The following HSPA4L variants were observed in gnomAD, a reference collection of about 807,000 sequenced individuals.
HSPA4L encodes heat shock protein family A (Hsp70) member 4 like.
HSPA4L carries 48 observed loss-of-function variants against 100.3 expected under a neutral mutation model. The ratio of observed to expected loss-of-function variants is 0.48; its 90% CI spans 0.38 to 0.61. The LOEUF is 0.61. Among genes scored for constraint, HSPA4L ranks in the 20% least tolerant of loss-of-function variants. The pLI is 0.00. For synonymous variants in HSPA4L, 319 were observed against 328.2 expected (o/e 0.97, Z 0.30); for missense variants, 886 against 988.6 (o/e 0.90, Z 1.39).
At chr4:127,823,671 T>G in intron 16 of HSPA4L, 47 bp downstream of exon 16, 1 of 1,200,578 alleles carries the variant, frequency 8.3e-7, no homozygotes, top group Non-Finnish European at 1.2e-6. Flanking sequence ...TAACTTTTTC[T>G]AAAAATTAGG....
In HSPA4L at chr4:127,811,520, G is replaced by A. The variant is rs1733529128; in HGVS notation, c.1462G>A (p.Gly488Arg). Residue 488 changes from glycine to arginine, a missense_variant, in exon 12 of 19, where the codon GGA becomes AGA. Physicochemically the swap from Gly to Arg is moderately radical, Grantham distance 125. Coordinates refer to ENST00000296464, the MANE Select transcript of HSPA4L (RefSeq NM_014278.4). ...VKVKVRVNIHGIFSVASASVI... is the reference protein window; with the variant it reads ...VKVKVRVNIHRIFSVASASVI... ...GGTTAAAGTTCGTGTTAACATCCAT[G>A]GAATCTTCAGTGTGGCTAGCGCATC... The A allele has an allele frequency of 6.2e-7, 1 of 1,613,804 alleles. No homozygotes were observed. Among genetic ancestry groups the A allele is most frequent in the South Asian group, 1.1e-5 (1 of 91,072 alleles).
chr4:127,806,594 T>C (rs1733365356), intron 10 of HSPA4L, among the ~76,000 whole-genome samples: 1 of 152,014 alleles, frequency 6.6e-6, no homozygotes, highest in African/African-American at 2.4e-5. Flanking sequence ...AATTAATGTT[T>C]CCCTCTGTCA....
At chr4:127,782,703 T>G in intron 1 of HSPA4L, 46 bp downstream of exon 1, 1 of 1,355,694 alleles carries the variant, frequency 7.4e-7, no homozygotes, top group Non-Finnish European at 1.0e-6. Flanking sequence ...GAAACGTTTT[T>G]CTCTCCCGTC....
At chr4:127,817,701 T>G (rs570010413) in intron 12 of HSPA4L, among the ~76,000 whole-genome samples, 3 of 152,310 alleles carry the variant, frequency 2.0e-5, no homozygotes, top group African/African-American at 7.2e-5. Flanking sequence ...ATATCAAAAC[T>G]CAAAGTGCAT....
At position 127,830,651 on chromosome 4, in the gene HSPA4L, A is replaced by T. The variant is rs746766175; in HGVS notation, c.2180A>T (p.Asp727Val). The change falls in exon 18 of 19, where the codon GAT becomes GTT. Residue 727 changes from aspartate (D) to valine (V), a missense_variant. Physicochemically the swap from Asp to Val is radical, Grantham distance 152. Transcript: ENST00000296464. ...TTTTTTAAATAGGATGAAAGATATG[A>T]TCATCTGGATCCTACTGAAATGGAA... ...EAYRNKDERY[D>V]HLDPTEMEKV... 1 of 1,581,890 alleles carries T rather than the reference A, an allele frequency of 6.3e-7. No homozygotes were observed. Among genetic ancestry groups the T allele is most frequent in the Admixed American group, 2.0e-5 (1 of 51,036 alleles).
Position 127,805,069 on chromosome 4 carries a change from C to A in HSPA4L, c.986-4C>A. 1 of 1,567,436 alleles carries A rather than the reference C, an allele frequency of 6.4e-7. No individual in the cohort carries two copies. The highest frequency in any genetic ancestry group is 8.6e-7 in the Non-Finnish European group (1 of 1,158,336). On this transcript the variant is annotated splice_polypyrimidine_tract_variant and splice_region_variant and intron_variant, in intron 8 of 18. Transcript: ENST00000296464. ...CATTTTTCTCAATTAAAAAAATTTT[C>A]CAGACTTACAACGTGAAGACATTAG...
At chr4:127,804,192 A>G (rs1733281130) in intron 8 of HSPA4L, 105 bp downstream of exon 8, 1 of 828,168 alleles carries the variant, frequency 1.2e-6, no homozygotes, top group Non-Finnish European at 1.9e-6. Flanking sequence ...TTTTAAAAAG[A>G]TTTATATTTC....
intron 4 of HSPA4L, among the ~76,000 whole-genome samples, chr4:127,799,427 A>G (rs1733113363): frequency 1.3e-5 from 2 of 152,148 alleles, no homozygotes; most frequent in South Asian, 4.1e-4. Flanking sequence ...AACCCATTTA[A>G]TCTCAGAAGC....
At chr4:127,812,334 G>A (rs1236833375) in intron 12 of HSPA4L, among the ~76,000 whole-genome samples, 1 of 151,406 alleles carries the variant, frequency 6.6e-6, no homozygotes, top group African/African-American at 2.4e-5. Flanking sequence ...GCGTGAACCC[G>A]GGAGGCGGAG....
intron 4 of HSPA4L, 95 bp downstream of exon 4, chr4:127,798,804 C>A: frequency 2.5e-6 from 3 of 1,193,598 alleles, no homozygotes; most frequent in Admixed American, 2.4e-5. Context: ...ACTTTCTGCC[C>A]TTATCCAGTA....
intron 17 of HSPA4L, among the ~76,000 whole-genome samples, chr4:127,829,585 A>T (rs1734029336): frequency 6.6e-6 from 1 of 152,088 alleles, no homozygotes; most frequent in African/African-American, 2.4e-5. Context: ...ATCACAAAGA[A>T]GCTGAAAATT....
At position 127,822,763 on chromosome 4, in the gene HSPA4L, G is replaced by T; in HGVS notation, c.1813-6G>T. On this transcript the variant is annotated splice_polypyrimidine_tract_variant and splice_region_variant and intron_variant, in intron 14 of 18. Coordinates refer to ENST00000296464, the MANE Select transcript of HSPA4L (RefSeq NM_014278.4). Reference sequence around the variant, plus strand: ...TATGGCAACTAATCTGAAGCTTTTTGAATAGGGGAAGATGATCATGCAAGA... The same window carrying T: ...TATGGCAACTAATCTGAAGCTTTTTTAATAGGGGAAGATGATCATGCAAGA... 1 of 1,611,428 alleles carries T rather than the reference G, an allele frequency of 6.2e-7. No homozygotes were observed. The highest frequency in any genetic ancestry group is 1.1e-5 in the South Asian group (1 of 90,598).
At chr4:127,821,656 G>A (rs187505640) in intron 14 of HSPA4L, among the ~76,000 whole-genome samples, 1 of 152,212 alleles carries the variant, frequency 6.6e-6, no homozygotes, top group East Asian at 1.9e-4. Context: ...CTTTGGATTT[G>A]GATCCAGGTG....
At chr4:127,782,130 G>A, upstream of HSPA4L, 1 of 452,616 alleles carries the variant, frequency 2.2e-6, no homozygotes, top group Non-Finnish European at 4.4e-6. Context: ...GGATAGCTCA[G>A]CAGCCTCCAT....
Position 127,837,640 on chromosome 4 carries a change from C to G in HSPA4L, c.*4766C>G, listed in dbSNP as rs1325506397. On this transcript the variant is annotated 3_prime_UTR_variant, in exon 19 of 19. Coordinates refer to ENST00000296464, the MANE Select transcript of HSPA4L (RefSeq NM_014278.4). Reference sequence around the variant, plus strand: ...GCCCAACATTTGATTTAATCTAAAGCAAGAATATAAAATAATTTTAAGAAG... The same window carrying G: ...GCCCAACATTTGATTTAATCTAAAGGAAGAATATAAAATAATTTTAAGAAG... 1 of 151,908 alleles carries G rather than the reference C, an allele frequency of 6.6e-6. No homozygotes were observed. Among genetic ancestry groups the G allele is most frequent in the African/African-American group, 2.4e-5 (1 of 41,346 alleles). The allele number at this position is 151,908 out of a possible 1,614,324, so 9.4% of individuals were successfully genotyped here. A position where few individuals can be genotyped will look rare whatever the true frequency, so the allele number is the denominator to read the frequency against.
At position 127,820,021 on chromosome 4, in the gene HSPA4L, G is replaced by C. The variant is rs556592726; in HGVS notation, c.1675-407G>C. On this transcript the variant is annotated intron_variant, in intron 13 of 18. Transcript: ENST00000296464. ...TGGGTCATAATTGTTTAACATTTTT[G>C]TTAACATTGTTTTGTTAAGATTGTC... is the stretch of plus-strand genomic sequence containing the variant. Among the ~76,000 whole-genome samples the C allele has an allele frequency of 3.3e-5, 5 of 152,110 alleles. No individual in the cohort carries two copies. The East Asian group carries it at 9.6e-4, about 29-fold the overall frequency.
Position 127,810,609 on chromosome 4 carries a change from A to T in HSPA4L, c.1379-828A>T, listed in dbSNP as rs1169779732. ...CTAATCTGTACTAAAAATCAGAAAA[A>T]TTAGCTAGACATGGTACCATGCACC... On this transcript the variant is annotated intron_variant, in intron 11 of 18. Transcript: ENST00000296464. Among the ~76,000 whole-genome samples, 4 of 152,244 alleles carry T rather than the reference A, an allele frequency of 2.6e-5. No homozygotes were observed. The East Asian group carries it at 7.7e-4, about 29-fold the overall frequency.
At position 127,835,250 on chromosome 4, in the gene HSPA4L, T is replaced by C. The variant is rs771349208; in HGVS notation, c.*2376T>C. 1 of 152,196 alleles carries C rather than the reference T, an allele frequency of 6.6e-6. No homozygotes were observed. Among genetic ancestry groups the C allele is most frequent in the African/African-American group, 2.4e-5 (1 of 41,452 alleles). The allele number at this position is 152,196 out of a possible 1,614,324, so 9.4% of individuals were successfully genotyped here. A position where few individuals can be genotyped will look rare whatever the true frequency, so the allele number is the denominator to read the frequency against. ...TAAGAATGAAGTTTGTAGGGAATAT[T>C]TGGAATGATTAATATAAATTAGTAT... is the stretch of plus-strand genomic sequence containing the variant. On this transcript the variant is annotated 3_prime_UTR_variant, in exon 19 of 19. Transcript: ENST00000296464.
intron 8 of HSPA4L, 57 bp from the exon 9 acceptor site, chr4:127,805,016 G>C: frequency 8.6e-7 from 1 of 1,165,220 alleles, no homozygotes; most frequent in Non-Finnish European, 1.2e-6. Context: ...ACTCGACAAA[G>C]CCTTCTGTTG....
Sources: gnomAD v4.1 joint callset for allele counts (sites outside exome capture counted in the v4.1 genomes callset) on GRCh38, gnomAD v4.1.1 for gene constraint, MANE v1.5 for transcripts, NCBI Gene and HGNC (gene_info 2026-07-23, HGNC 2026-07-21) for gene names.